ARFGEF1: variants seen among roughly 807,000 people sequenced by gnomAD.
ARFGEF1 encodes brefeldin A-inhibited guanine nucleotide-exchange protein 1.
ARFGEF1 carries 42 observed loss-of-function variants against 231.0 expected under a neutral mutation model. The ratio of observed to expected loss-of-function variants is 0.18; its 90% CI spans 0.14 to 0.24. ARFGEF1 has a LOEUF of 0.24. Among genes scored for constraint, ARFGEF1 ranks in the 10% least tolerant of loss-of-function variants. The probability of loss-of-function intolerance (pLI) is 1.00; values close to 1 mark genes in which losing one functional copy is unlikely to be tolerated. For synonymous variants in ARFGEF1, 710 were observed against 732.3 expected, an observed-to-expected ratio of 0.97 and a Z score of 0.49; for missense variants, 1,345 against 2,192.0, an observed-to-expected ratio of 0.61 and a Z score of 7.72.
rs1325519788 is a variant in ARFGEF1, at chr8:67,227,853, AAAGT to A, written c.3591+106_3591+109del. 13 of 982,256 alleles carry A rather than the reference AAAGT, an allele frequency of 1.3e-5. No homozygotes were observed. In the African/African-American group the frequency reaches 2.0e-4, roughly 15 times the overall value. The allele number at this position is 982,256 out of a possible 1,614,324, so 60.8% of individuals were successfully genotyped here. A position where few individuals can be genotyped will look rare whatever the true frequency, so the allele number is the denominator to read the frequency against. On this transcript the variant is annotated intron_variant, in intron 25 of 38. Transcript: ENST00000262215. ...ACAGGGTTTTCTAATTTAATATTAAAAAGTAATAAATAATTGCTTGGAAGGGAAA... is the reference window on the plus strand; with the variant it reads ...ACAGGGTTTTCTAATTTAATATTAAAAATAAATAATTGCTTGGAAGGGAAA...
chr8:67,300,695 T>G (rs924331626), intron 3 of ARFGEF1, among the ~76,000 whole-genome samples: 3 of 144,176 alleles, frequency 2.1e-5, no homozygotes, highest in African/African-American at 5.1e-5. Flanking sequence ...AATACAAAAA[T>G]TAGCTGGGCA....
At chr8:67,261,713 C>G (rs1332060768) in intron 14 of ARFGEF1, among the ~76,000 whole-genome samples, 1 of 152,182 alleles carries the variant, frequency 6.6e-6, no homozygotes, top group African/African-American at 2.4e-5. Flanking sequence ...ACTATGCTGT[C>G]CAGGTTGATC....
chr8:67,215,926 G>C (rs1445216215), intron 33 of ARFGEF1, among the ~76,000 whole-genome samples: 1 of 152,188 alleles, frequency 6.6e-6, no homozygotes, highest in Non-Finnish European at 1.5e-5. Context: ...AAAATAAAAA[G>C]TTTAAATACT....
chr8:67,197,992 C>T lies in ARFGEF1; in HGVS notation c.*942G>A. 1 of 985,778 alleles carries T rather than the reference C, an allele frequency of 1.0e-6. No individual in the cohort carries two copies. The highest frequency in any genetic ancestry group is 1.2e-6 in the Non-Finnish European group (1 of 829,922). 61.1% of individuals were successfully genotyped at this position (985,778 alleles called of 1,614,324 possible). The stretch of plus-strand genomic sequence containing the variant: ...TACATAGAGTAAAATCTACATCAAG[C>T]CCCACCACCCAAAAGAAAAGAAAAT... On this transcript the variant is annotated 3_prime_UTR_variant, in exon 39 of 39. Transcript: ENST00000262215.
chr8:67,210,940 C>A (rs558576694), intron 34 of ARFGEF1, among the ~76,000 whole-genome samples: 9 of 151,392 alleles, frequency 5.9e-5, no homozygotes. Context: ...GTAATCCCAG[C>A]TACTCGGGAG....
At chr8:67,267,038 C>T (rs1483507146) in intron 12 of ARFGEF1, 53 bp downstream of exon 12, 2 of 1,609,696 alleles carry the variant, frequency 1.2e-6, no homozygotes, top group South Asian at 2.2e-5. Flanking sequence ...AAGGAAAACA[C>T]ATGACTCTTT....
At chr8:67,224,395 A>G (rs981389273) in intron 29 of ARFGEF1, among the ~76,000 whole-genome samples, 6 of 152,198 alleles carry the variant, frequency 3.9e-5, no homozygotes, top group Non-Finnish European at 7.4e-5. Flanking sequence ...TTACAGATTG[A>G]CTATATGTTC....
intron 1 of ARFGEF1, among the ~76,000 whole-genome samples, chr8:67,304,748 A>G (rs1426785051): frequency 6.6e-6 from 1 of 152,214 alleles, no homozygotes; most frequent in Non-Finnish European, 1.5e-5. Flanking sequence ...GAACCCAGGA[A>G]GCGGAAGCTG....
intron 17 of ARFGEF1, 136 bp downstream of exon 17, chr8:67,257,596 A>G: frequency 5.8e-6 from 4 of 687,004 alleles, no homozygotes; most frequent in Non-Finnish European, 9.9e-6. Context: ...AATGTTCACC[A>G]TCCCAAATTA....
intron 29 of ARFGEF1, among the ~76,000 whole-genome samples, chr8:67,222,223 A>ATGTGTG (rs753714999): frequency 2.7e-4 from 26 of 96,398 alleles, no homozygotes; most frequent in Non-Finnish European, 3.9e-4. Context: ...ATATATATAT[A>ATGTGTG]TGTATATGTA....
At position 67,204,333 on chromosome 8, in the gene ARFGEF1, G is replaced by A. The variant is rs1469193941; in HGVS notation, c.4959+347C>T. ...TATCCAGAGCATTTAACAAGCGACT[G>A]ATCACATGCTTCTTCTTAAAACATT... On this transcript the variant is annotated intron_variant, in intron 35 of 38. Coordinates refer to ENST00000262215, the MANE Select transcript of ARFGEF1 (RefSeq NM_006421.5). Among the ~76,000 whole-genome samples, 3 of 152,162 alleles carry A rather than the reference G, an allele frequency of 2.0e-5. No individual in the cohort carries two copies. In the South Asian group the frequency reaches 6.2e-4, roughly 32 times the overall value.
chr8:67,302,531 T>A, intron 1 of ARFGEF1, 65 bp from the exon 2 acceptor site: 1 of 1,183,218 alleles, frequency 8.5e-7, no homozygotes, highest in Non-Finnish European at 1.2e-6. Context: ...AGTAATTTCT[T>A]AAGTTCTATA....
intron 5 of ARFGEF1, chr8:67,177,755 T>C (rs1563763231): frequency 6.4e-7 from 1 of 1,558,306 alleles, no homozygotes; most frequent in Non-Finnish European, 8.8e-7. Flanking sequence ...TTTTTCAAGT[T>C]AGTTTTTGGG....
At chr8:67,291,565 G>A (rs575019655) in intron 6 of ARFGEF1, among the ~76,000 whole-genome samples, 3 of 151,994 alleles carry the variant, frequency 2.0e-5, no homozygotes, top group African/African-American at 7.2e-5. Flanking sequence ...ACATTTAACG[G>A]ACATTTATGA....
In ARFGEF1 at chr8:67,211,550, T is replaced by C. The variant is rs185041603; in HGVS notation, c.4752A>G (p.Arg1584=). 6.3e-7 allele frequency: 1 copy of C among 1,593,100 alleles called. No homozygotes were observed. The highest frequency in any genetic ancestry group is 8.5e-7 in the Non-Finnish European group (1 of 1,169,780). ...ACGCAGAAACCAGTGGTGCTTGTGG[T>C]CTGTTATCCACAGACCTTGGTTGAA... ...DSIQPRSVDN[R]PQAPLVSASA... Residue 1584 remains arginine, a synonymous_variant, in exon 34 of 39, where the codon AGA becomes AGG. Coordinates refer to ENST00000262215, the MANE Select transcript of ARFGEF1 (RefSeq NM_006421.5).
chr8:67,319,389 G>A (rs1366556654), intron 1 of ARFGEF1, among the ~76,000 whole-genome samples: 1 of 151,574 alleles, frequency 6.6e-6, no homozygotes, highest in African/African-American at 2.4e-5. Flanking sequence ...ATAGAGTCCA[G>A]ACACAGACCC....
intron 7 of ARFGEF1, among the ~76,000 whole-genome samples, chr8:67,279,234 C>T (rs1353797169): frequency 6.6e-6 from 1 of 152,174 alleles, no homozygotes; most frequent in Non-Finnish European, 1.5e-5. Flanking sequence ...CGTTTTCTCT[C>T]TGCACCCAAT....
At chr8:67,180,031 A>C in intron 5 of ARFGEF1, 1 of 577,186 alleles carries the variant, frequency 1.7e-6, no homozygotes, top group Admixed American at 3.4e-5. Flanking sequence ...AGTAAAAAAA[A>C]AAAAAGGAAT....
rs1329469747 is a variant in ARFGEF1, at chr8:67,238,504, A to G, written c.3139-11T>C. 1 of 1,581,972 alleles carries G rather than the reference A, an allele frequency of 6.3e-7. No homozygotes were observed. Among genetic ancestry groups the G allele is most frequent in the South Asian group, 1.2e-5 (1 of 85,164 alleles). On this transcript the variant is annotated splice_polypyrimidine_tract_variant and intron_variant, in intron 21 of 38. Transcript: ENST00000262215. ...GATGCACTTCAGAATCTTAATTACA[A>G]AAAGGAAAAAAATGTTAAATTCCAT...
Sources: gnomAD v4.1 joint callset for allele counts (sites outside exome capture counted in the v4.1 genomes callset) on GRCh38, gnomAD v4.1.1 for gene constraint, MANE v1.5 for transcripts, NCBI Gene and HGNC (gene_info 2026-07-23, HGNC 2026-07-21) for gene names.